The following KDM2A variants were observed in gnomAD, a reference collection of about 807,000 sequenced individuals.
KDM2A encodes the protein lysine-specific demethylase 2A.
KDM2A carries 3 observed loss-of-function variants against 137.3 expected under a neutral mutation model. The observed-to-expected ratio is 0.02, with a 90% CI of 0.01 to 0.06. The LOEUF (loss-of-function observed/expected upper bound fraction) is 0.06. Ranked by LOEUF, KDM2A falls within the 10% of genes least tolerant of loss-of-function variation. The probability of loss-of-function intolerance (pLI) is 1.00; values close to 1 mark genes in which losing one functional copy is unlikely to be tolerated. For missense variants in KDM2A, 738 were observed against 1,510.6 expected, an observed-to-expected ratio of 0.49 and a Z score of 8.48; for synonymous variants, 512 against 541.5, an observed-to-expected ratio of 0.95 and a Z score of 0.76.
intron 5 of KDM2A, among the ~76,000 whole-genome samples, chr11:67,187,818 C>T (rs919777065): frequency 3.3e-5 from 5 of 152,120 alleles, no homozygotes; most frequent in African/African-American, 1.2e-4. Flanking sequence ...AAGCGATCTG[C>T]CCACCTGGGC....
intron 12 of KDM2A, among the ~76,000 whole-genome samples, chr11:67,240,654 T>C (rs1383320232): frequency 6.6e-6 from 1 of 152,212 alleles, no homozygotes; most frequent in African/African-American, 2.4e-5. Context: ...TGTTTAAATG[T>C]TCTCCCGAAT....
chr11:67,238,492 G>A (rs748985237), intron 12 of KDM2A, among the ~76,000 whole-genome samples: 1 of 152,194 alleles, frequency 6.6e-6, no homozygotes, highest in Non-Finnish European at 1.5e-5. Context: ...TGGGTCTTGA[G>A]TCTTAAGATA....
At chr11:67,157,548 C>T (rs1349370463) in intron 2 of KDM2A, among the ~76,000 whole-genome samples, 1 of 151,592 alleles carries the variant, frequency 6.6e-6, no homozygotes, top group Non-Finnish European at 1.5e-5. Flanking sequence ...GGTTCAAGAC[C>T]AGCCTGGCCA....
chr11:67,250,466 G>A lies in KDM2A; in HGVS notation c.2436G>A (p.Gly812=). 1 of 1,614,044 alleles carries A rather than the reference G, an allele frequency of 6.2e-7. No homozygotes were observed. Among genetic ancestry groups the A allele is most frequent in the Non-Finnish European group, 8.5e-7 (1 of 1,179,894 alleles). Residue 812 remains glycine (G), a synonymous_variant, in exon 17 of 21, where the codon GGG becomes GGA. Coordinates refer to ENST00000529006, the MANE Select transcript of KDM2A (RefSeq NM_012308.3). The surrounding 1 kb of genome is among the most constrained non-coding windows in gnomAD (Gnocchi z 7.1). The part of the protein sequence containing the change: ...TLQRPTKELH[G]TSIVPKLQAI... Reference sequence around the variant, plus strand: ...AGAGGCCCACCAAAGAGCTCCACGGGACATCCATTGTGCCCAAGCTGCAGG... The same window carrying A: ...AGAGGCCCACCAAAGAGCTCCACGGAACATCCATTGTGCCCAAGCTGCAGG...
At chr11:67,180,556 A>C in intron 3 of KDM2A, 1 of 186,968 alleles carries the variant, frequency 5.3e-6, no homozygotes, top group Middle Eastern at 2.2e-3. Context: ...ACCCCACCAA[A>C]ACTGAGGGTG....
At chr11:67,253,695 G>A (rs1167279393) in intron 19 of KDM2A, 84 bp downstream of exon 19, 2 of 1,401,372 alleles carry the variant, frequency 1.4e-6, no homozygotes, top group African/African-American at 1.4e-5. Flanking sequence ...AGCTAAGGTA[G>A]TCTCAGATAT....
At chr11:67,196,330 A>G (rs967272839) in intron 5 of KDM2A, 2 of 456,054 alleles carry the variant, frequency 4.4e-6, no homozygotes, top group Non-Finnish European at 8.8e-6. Context: ...TTAAGAGATG[A>G]GGTCTCACTG....
intron 2 of KDM2A, among the ~76,000 whole-genome samples, chr11:67,126,767 GA>G (rs931332956): frequency 2.2e-4 from 33 of 152,014 alleles, no homozygotes; most frequent in African/African-American, 7.7e-4. Flanking sequence ...ATTACGTGTG[GA>G]AAAGAAATGC....
At chr11:67,222,059 C>CTTTTTTTTTTTTTTTTT (rs11373238) in intron 10 of KDM2A, among the ~76,000 whole-genome samples, 1 of 110,530 alleles carries the variant, frequency 9.0e-6, no homozygotes, top group Non-Finnish European at 1.8e-5. Context: ...CTCTGTCATT[C>CTTTTTTTTTTTTTTTTT]TTTTTTTTTT....
intron 2 of KDM2A, among the ~76,000 whole-genome samples, chr11:67,152,695 G>A (rs1856421328): frequency 6.6e-6 from 1 of 151,974 alleles, no homozygotes; most frequent in Non-Finnish European, 1.5e-5. Flanking sequence ...AGCTCCACTG[G>A]CCTGGAACAA....
At chr11:67,231,084 G>A (rs190438906) in intron 11 of KDM2A, among the ~76,000 whole-genome samples, 74 of 151,868 alleles carry the variant, frequency 4.9e-4, no homozygotes, top group African/African-American at 1.7e-3. Context: ...ACCCTCCCTA[G>A]TATCTGGGAC....
intron 17 of KDM2A, among the ~76,000 whole-genome samples, chr11:67,252,091 C>G (rs940084183): frequency 3.3e-5 from 5 of 152,164 alleles, no homozygotes; most frequent in African/African-American, 9.7e-5. Context: ...CAGTTCTGGT[C>G]TGGCCTGGCT....
intron 2 of KDM2A, among the ~76,000 whole-genome samples, chr11:67,154,523 C>T (rs964033538): frequency 7.9e-5 from 12 of 152,166 alleles, no homozygotes; most frequent in African/African-American, 2.9e-4. Context: ...GCCTCTGCCT[C>T]CTGGGTTCAG....
At chr11:67,123,471 T>A (rs927015264) in intron 2 of KDM2A, among the ~76,000 whole-genome samples, 18 of 152,094 alleles carry the variant, frequency 1.2e-4, no homozygotes, top group African/African-American at 3.9e-4. Context: ...GAATATTGTA[T>A]CGTTGGGATT....
At chr11:67,181,299 A>C in intron 3 of KDM2A, 21 bp from the exon 4 acceptor site, 1 of 1,527,684 alleles carries the variant, frequency 6.5e-7, no homozygotes. Flanking sequence ...TTATCTTTCT[A>C]ATATTTTCCT....
chr11:67,186,163 G>A (rs867213647), intron 5 of KDM2A, among the ~76,000 whole-genome samples: 19 of 152,038 alleles, frequency 1.2e-4, no homozygotes, highest in African/African-American at 2.9e-4. Context: ...TGAACTCCAA[G>A]TAAGATGAAC....
At chr11:67,126,342 G>A (rs1214249277) in intron 2 of KDM2A, among the ~76,000 whole-genome samples, 1 of 152,044 alleles carries the variant, frequency 6.6e-6, no homozygotes, top group Non-Finnish European at 1.5e-5. Flanking sequence ...CGGGAGGCCA[G>A]GGAGGGAGGA....
chr11:67,158,393 G>A (rs189344558), intron 2 of KDM2A, among the ~76,000 whole-genome samples: 3 of 152,318 alleles, frequency 2.0e-5, no homozygotes, highest in African/African-American at 7.2e-5. Context: ...GAATATTTAT[G>A]TGTAGGTTTT....
chr11:67,247,242 A>G (rs1859277565), intron 15 of KDM2A, among the ~76,000 whole-genome samples: 2 of 148,724 alleles, frequency 1.3e-5, no homozygotes, highest in South Asian at 4.2e-4. Flanking sequence ...AGCACGTGCC[A>G]CTGCGCCCAG....
Sources: allele counts gnomAD v4.1 joint callset (sites outside exome capture counted in the v4.1 genomes callset), GRCh38; gene constraint gnomAD v4.1.1; non-coding constraint Gnocchi (gnomAD v3.1); transcripts MANE v1.5; gene names NCBI Gene and HGNC (gene_info 2026-07-23, HGNC 2026-07-21).